KLHL24: variants seen among roughly 807,000 people sequenced by gnomAD.
KLHL24 encodes kelch-like protein 24.
In KLHL24, 29 loss-of-function variants were observed where a neutral mutation model predicts 53.4. The ratio of observed to expected loss-of-function variants is 0.54; its 90% confidence interval spans 0.40 to 0.74. The LOEUF (loss-of-function observed/expected upper bound fraction) is 0.74. Among genes scored for constraint, KLHL24 ranks in the 30% least tolerant of loss-of-function variants. The probability of loss-of-function intolerance (pLI) is 0.00; values close to 1 mark genes in which losing one functional copy is unlikely to be tolerated. For synonymous variants in KLHL24, 222 were observed against 253.7 expected, an observed-to-expected ratio of 0.88 and a Z score of 1.19; for missense variants, 504 against 744.0, an observed-to-expected ratio of 0.68 and a Z score of 3.75.
chr3:183,645,457 T>C (rs1717087075), intron 2 of KLHL24, among the ~76,000 whole-genome samples: 1 of 152,218 alleles, frequency 6.6e-6, no homozygotes, highest in African/African-American at 2.4e-5. Context: ...TGTTAAGCTG[T>C]GTGTATGCAC....
Position 183,679,643 on chromosome 3 carries a change from T to C in KLHL24, c.*357T>C. 1 of 184,660 alleles carries C rather than the reference T, an allele frequency of 5.4e-6. No homozygotes were observed. The highest frequency in any genetic ancestry group is 1.2e-4 in the South Asian group (1 of 8,188). 11.4% of individuals were successfully genotyped at this position (184,660 alleles called of 1,614,324 possible). A position where few individuals can be genotyped will look rare whatever the true frequency, so the allele number is the denominator to read the frequency against. ...TTATGTATGTTTATCTGTATGTATA[T>C]TCCTTATTTTGTCATATATGTAGAG... On this transcript the variant is annotated 3_prime_UTR_variant, in exon 8 of 8. Transcript: ENST00000242810.
intron 1 of KLHL24, among the ~76,000 whole-genome samples, chr3:183,641,474 C>CTAAAA (rs1716429049): frequency 1.4e-5 from 1 of 70,270 alleles, no homozygotes; most frequent in African/African-American, 5.5e-5. Context: ...GAGACTGTCT[C>CTAAAA]AAAAAAAAAA....
At chr3:183,675,044 G>T (rs12636131) in intron 7 of KLHL24, among the ~76,000 whole-genome samples, 48,212 of 151,820 alleles carry the variant, frequency 0.32, 8,149 homozygotes, top group East Asian at 0.48. Context: ...TTCCCTTATG[G>T]GTATAAATGT....
intron 3 of KLHL24, among the ~76,000 whole-genome samples, chr3:183,657,296 G>GA (rs1719049743): frequency 6.6e-6 from 1 of 152,130 alleles, no homozygotes; most frequent in Admixed American, 6.5e-5. Flanking sequence ...TCGTGTCTAT[G>GA]AAAAAAATTG....
In KLHL24 at chr3:183,672,286, A is replaced by AT. The variant is rs768875752; in HGVS notation, c.1414-9dup. 8 of 1,451,382 alleles carry AT rather than the reference A, an allele frequency of 5.5e-6. No individual in the cohort carries two copies. In the African/African-American group the frequency reaches 1.1e-4, roughly 21 times the overall value. The allele number at this position is 1,451,382 out of a possible 1,614,324, so 89.9% of individuals were successfully genotyped here. ...AGAAATTTTAATTATATATTTTTATATGTTATTAGGTTCAATCTTATGATC... is the reference window on the plus strand; with the variant it reads ...AGAAATTTTAATTATATATTTTTATATTGTTATTAGGTTCAATCTTATGATC... On this transcript the variant is annotated splice_polypyrimidine_tract_variant and intron_variant, in intron 6 of 7. Coordinates refer to ENST00000242810, the MANE Select transcript of KLHL24 (RefSeq NM_017644.3).
At chr3:183,645,595 TTTAG>T (rs1257882309) in intron 2 of KLHL24, among the ~76,000 whole-genome samples, 1 of 152,240 alleles carries the variant, frequency 6.6e-6, no homozygotes, top group Non-Finnish European at 1.5e-5. Context: ...TCCATTTTTT[TTTAG>T]TTAGTGATAA....
rs1356889247 is a variant in KLHL24, at chr3:183,681,856, TTGATAGG to T, written c.*2575_*2581del. 1 of 152,404 alleles carries T rather than the reference TTGATAGG, an allele frequency of 6.6e-6. No individual in the cohort carries two copies. Among genetic ancestry groups the T allele is most frequent in the Admixed American group, 6.5e-5 (1 of 15,292 alleles). 9.4% of individuals were successfully genotyped at this position (152,404 alleles called of 1,614,324 possible). ...CTCTCATCACATAAAGATTTTTCTT[TTGATAGG>T]TGATGCTCATATGAACCTTTGGTTT... On this transcript the variant is annotated 3_prime_UTR_variant, in exon 8 of 8. Transcript: ENST00000242810.
chr3:183,661,420 CTGAGA>C (rs1184298908), intron 3 of KLHL24, among the ~76,000 whole-genome samples: 3 of 152,114 alleles, frequency 2.0e-5, no homozygotes, highest in African/African-American at 7.2e-5. Flanking sequence ...AGCTCCCTGC[CTGAGA>C]TAAGTATTTC....
At chr3:183,640,605 T>A (rs1716253997) in intron 1 of KLHL24, among the ~76,000 whole-genome samples, 1 of 67,762 alleles carries the variant, frequency 1.5e-5, no homozygotes. Flanking sequence ...TTTTTCTTTT[T>A]TTTTTTTTTT....
At chr3:183,639,395 C>G (rs1560144375) in intron 1 of KLHL24, among the ~76,000 whole-genome samples, 1 of 151,826 alleles carries the variant, frequency 6.6e-6, no homozygotes, top group Non-Finnish European at 1.5e-5. Context: ...CTTTGGGAGG[C>G]CAAGGCGGGC....
At position 183,650,937 on chromosome 3, in the gene KLHL24, CTT is replaced by C; in HGVS notation, c.584_585del (p.Phe195Ter). 1 of 1,614,190 alleles carries C rather than the reference CTT, an allele frequency of 6.2e-7. No individual in the cohort carries two copies. The highest frequency in any genetic ancestry group is 8.5e-7 in the Non-Finnish European group (1 of 1,180,018). On this transcript the variant is annotated frameshift_variant, in exon 3 of 8. Coordinates refer to ENST00000242810, the MANE Select transcript of KLHL24 (RefSeq NM_017644.3). LOFTEE classifies it high-confidence loss of function. This position sits in a 1 kb window ranked among gnomAD's most constrained non-coding sequence, Gnocchi z 4.5. ...AAATGCAAAAATTTTGCGTTACAGA[CTT>C]TTGAGGATGTATCCCAGCACGAAGA... is the stretch of plus-strand genomic sequence containing the variant.
intron 2 of KLHL24, among the ~76,000 whole-genome samples, chr3:183,646,838 C>G (rs1181835197): frequency 6.6e-6 from 1 of 151,930 alleles, no homozygotes; most frequent in Non-Finnish European, 1.5e-5. Context: ...TTGATGGAGT[C>G]TCGCTCTGTC....
intron 1 of KLHL24, among the ~76,000 whole-genome samples, chr3:183,639,557 G>A (rs2108755218): frequency 6.7e-6 from 1 of 148,736 alleles, no homozygotes; most frequent in East Asian, 2.0e-4. Context: ...GTGAACCCAG[G>A]AGGCGGAGCT....
chr3:183,639,580 A>G (rs560498531), intron 1 of KLHL24, among the ~76,000 whole-genome samples: 81 of 149,382 alleles, frequency 5.4e-4, no homozygotes, highest in African/African-American at 1.9e-3. Context: ...CAGTGAGCCA[A>G]GATCGCGCCG....
At chr3:183,664,439 T>C (rs1186911368) in intron 4 of KLHL24, among the ~76,000 whole-genome samples, 1 of 152,192 alleles carries the variant, frequency 6.6e-6, no homozygotes, top group Non-Finnish European at 1.5e-5. Context: ...ATAACTATAG[T>C]ATCTATGATG....
At chr3:183,649,380 G>C (rs1717794666) in intron 2 of KLHL24, among the ~76,000 whole-genome samples, 1 of 152,050 alleles carries the variant, frequency 6.6e-6, no homozygotes, top group Admixed American at 6.6e-5. Context: ...CTTTGTTCTA[G>C]CCAGAAGATG....
At chr3:183,649,983 T>C (rs1717900956) in intron 2 of KLHL24, among the ~76,000 whole-genome samples, 1 of 151,522 alleles carries the variant, frequency 6.6e-6, no homozygotes, top group South Asian at 2.1e-4. Flanking sequence ...GACTTAACTC[T>C]ACAGTCAATA....
At chr3:183,641,504 T>C (rs570278557) in intron 1 of KLHL24, among the ~76,000 whole-genome samples, 1 of 149,970 alleles carries the variant, frequency 6.7e-6, no homozygotes, top group Admixed American at 6.7e-5. Flanking sequence ...AGATTTACTA[T>C]ATTGCAATTA....
At chr3:183,639,128 A>G (rs1174222065) in intron 1 of KLHL24, among the ~76,000 whole-genome samples, 1 of 151,822 alleles carries the variant, frequency 6.6e-6, no homozygotes, top group Non-Finnish European at 1.5e-5. Flanking sequence ...TTGAACCGGG[A>G]GGCGGAGGTT....
Sources: allele counts gnomAD v4.1 joint callset (sites outside exome capture counted in the v4.1 genomes callset), GRCh38; gene constraint gnomAD v4.1.1; non-coding constraint Gnocchi (gnomAD v3.1); transcripts MANE v1.5; gene names NCBI Gene and HGNC (gene_info 2026-07-23, HGNC 2026-07-21).